Variants in MYO6 observed in about 807,000 individuals in gnomAD.
MYO6 encodes the protein myosin VI, also known as unconventional myosin-VI.
MYO6 carries 74 observed loss-of-function variants against 178.7 expected under a neutral mutation model. That is an observed-to-expected ratio of 0.41 (90% CI 0.34 to 0.50). The LOEUF is 0.50. Among genes scored for constraint, MYO6 ranks in the 20% least tolerant of loss-of-function variants. The probability of loss-of-function intolerance (pLI) is 0.09; values close to 1 mark genes in which losing one functional copy is unlikely to be tolerated. For synonymous variants in MYO6, 477 were observed against 504.6 expected (o/e 0.95, Z 0.73); for missense variants, 1,330 against 1,547.4 (o/e 0.86, Z 2.36).
chr6:75,892,257 T>G (rs920280552), intron 27 of MYO6, among the ~76,000 whole-genome samples: 3 of 152,194 alleles, frequency 2.0e-5, no homozygotes, highest in Non-Finnish European at 4.4e-5. Context: ...TCATGTGATG[T>G]TTGGGACACT....
chr6:75,793,771 T>G (rs1768494803), intron 1 of MYO6, among the ~76,000 whole-genome samples: 1 of 152,160 alleles, frequency 6.6e-6, no homozygotes, highest in Non-Finnish European at 1.5e-5. Flanking sequence ...TCTACGTACA[T>G]TTATATCTTC....
At chr6:75,892,381 A>T in intron 27 of MYO6, 149 bp from the exon 28 acceptor site, 1 of 1,043,724 alleles carries the variant, frequency 9.6e-7, no homozygotes, top group Non-Finnish European at 1.5e-6. Flanking sequence ...AGAAGAAAGT[A>T]GAGACTGAAG....
chr6:75,845,210 C>G (rs189718340), intron 10 of MYO6, among the ~76,000 whole-genome samples: 60 of 152,238 alleles, frequency 3.9e-4, no homozygotes, highest in Admixed American at 1.1e-3. Context: ...CTGCATTGCT[C>G]TCCTCTCATT....
At chr6:75,797,423 G>A (rs2150106734) in intron 1 of MYO6, among the ~76,000 whole-genome samples, 1 of 152,298 alleles carries the variant, frequency 6.6e-6, no homozygotes, top group African/African-American at 2.4e-5. Flanking sequence ...GGCATATTAT[G>A]TTCAAAGAAT....
intron 1 of MYO6, among the ~76,000 whole-genome samples, chr6:75,785,674 A>G (rs1767485094): frequency 6.6e-6 from 1 of 151,072 alleles, no homozygotes; most frequent in African/African-American, 2.4e-5. Context: ...TCATGAAGGT[A>G]ATCTTCTATA....
intron 1 of MYO6, among the ~76,000 whole-genome samples, chr6:75,750,431 T>A (rs1776776237): frequency 6.6e-6 from 1 of 151,550 alleles, no homozygotes; most frequent in Admixed American, 6.6e-5. Context: ...TAAAGTGATG[T>A]GGTGGAGGGA....
intron 19 of MYO6, among the ~76,000 whole-genome samples, chr6:75,872,968 T>C (rs1777270032): frequency 6.6e-6 from 1 of 152,104 alleles, no homozygotes; most frequent in South Asian, 2.1e-4. Context: ...GAGATGGGGT[T>C]TCACCATGTT....
Position 75,890,205 on chromosome 6 carries a change from A to G in MYO6, c.2807A>G (p.Glu936Gly), listed in dbSNP as rs756692329. ...CGTATTCAAGAAGAAATGGAAAAGG[A>G]AAGAAAAAGACGTGAAGAAGACGAA... ...LRRIQEEMEK[E>G]RKRREEDEKR... Residue 936 changes from glutamate (E) to glycine (G), a missense_variant, in exon 26 of 35, where the codon GAA (glutamate) becomes GGA (glycine). Around this residue, in one of 3 missense-constraint regions of MYO6, gnomAD observed 601 missense variants for 626.1 expected, o/e 0.96. Transcript: ENST00000369977. The G allele has an allele frequency of 8.1e-6, 13 of 1,612,230 alleles. No homozygotes were observed. Among genetic ancestry groups the G allele is most frequent in the South Asian group, 6.6e-5 (6 of 91,038 alleles).
intron 20 of MYO6, among the ~76,000 whole-genome samples, chr6:75,876,996 C>T (rs760860768): frequency 3.3e-5 from 5 of 150,668 alleles, no homozygotes; most frequent in South Asian, 2.1e-4. Flanking sequence ...TTTTTTGAGA[C>T]GGAGTTTCGC....
At chr6:75,903,731 A>C (rs1271156674) in intron 30 of MYO6, among the ~76,000 whole-genome samples, 3 of 151,886 alleles carry the variant, frequency 2.0e-5, no homozygotes, top group Non-Finnish European at 2.9e-5. Flanking sequence ...ATTTACATTT[A>C]AAGTTAATAT....
chr6:75,914,346 A>G, intron 34 of MYO6, 65 bp downstream of exon 34: 2 of 1,436,276 alleles, frequency 1.4e-6, no homozygotes, highest in Middle Eastern at 1.8e-4. Flanking sequence ...TCTGAATGAA[A>G]CATTCTAATG....
chr6:75,894,713 TAATCTA>T, intron 28 of MYO6: 1 of 707,424 alleles, frequency 1.4e-6, no homozygotes, highest in East Asian at 3.2e-5. Context: ...AAACTGTTCT[TAATCTA>T]TAGCATGATG....
chr6:75,866,121 T>C (rs184897390), intron 16 of MYO6, among the ~76,000 whole-genome samples: 56 of 152,358 alleles, frequency 3.7e-4, no homozygotes, highest in South Asian at 1.7e-3. Flanking sequence ...AGCACCAAGG[T>C]TGAGAACCAC....
intron 1 of MYO6, among the ~76,000 whole-genome samples, chr6:75,812,769 A>G (rs1429397677): frequency 6.6e-6 from 1 of 152,084 alleles, no homozygotes; most frequent in Non-Finnish European, 1.5e-5. Context: ...TGTTGTTGTA[A>G]ATGACAGGAT....
At chr6:75,826,362 C>A (rs930762361) in intron 3 of MYO6, among the ~76,000 whole-genome samples, 20 of 152,146 alleles carry the variant, frequency 1.3e-4, no homozygotes, top group African/African-American at 4.3e-4. Flanking sequence ...AAACACACAT[C>A]CCTGAAAAGG....
intron 18 of MYO6, among the ~76,000 whole-genome samples, chr6:75,869,012 T>C (rs939646491): frequency 2.0e-5 from 3 of 150,800 alleles, no homozygotes; most frequent in African/African-American, 7.3e-5. Flanking sequence ...CTTTCTTCCC[T>C]CTTTTCTCAG....
At chr6:75,780,039 G>C (rs1766797564) in intron 1 of MYO6, among the ~76,000 whole-genome samples, 1 of 152,148 alleles carries the variant, frequency 6.6e-6, no homozygotes, top group Admixed American at 6.6e-5. Flanking sequence ...TGTCTTCATG[G>C]ACCTCTTTGA....
At chr6:75,883,726 C>A (rs1353053464) in intron 23 of MYO6, among the ~76,000 whole-genome samples, 1 of 152,070 alleles carries the variant, frequency 6.6e-6, no homozygotes, top group African/African-American at 2.4e-5. Context: ...TGTGGCAAAC[C>A]TTTAATTGTT....
At chr6:75,842,242 T>G (rs1168247176) in intron 9 of MYO6, among the ~76,000 whole-genome samples, 1 of 151,042 alleles carries the variant, frequency 6.6e-6, no homozygotes, top group Non-Finnish European at 1.5e-5. Flanking sequence ...TACAAGCGAG[T>G]AGAGTTTCTA....
Sources: allele counts gnomAD v4.1 joint callset (sites outside exome capture counted in the v4.1 genomes callset), GRCh38; gene constraint gnomAD v4.1.1; regional missense constraint gnomAD v4.1.1; transcripts MANE v1.5; gene names NCBI Gene and HGNC (gene_info 2026-07-23, HGNC 2026-07-21).